The following VPS50 variants were observed in gnomAD, a reference collection of about 807,000 sequenced individuals.
VPS50 encodes syndetin.
Under a neutral mutation model 139.7 loss-of-function variants are expected in VPS50, and 70 were observed. The ratio of observed to expected loss-of-function variants is 0.50; its 90% CI spans 0.41 to 0.61. The LOEUF (loss-of-function observed/expected upper bound fraction) is 0.61. Among genes scored for constraint, VPS50 ranks in the 20% least tolerant of loss-of-function variants. The pLI is 0.00. For synonymous variants in VPS50, 365 were observed against 376.7 expected (o/e 0.97, Z 0.36); for missense variants, 921 against 1,133.7 (o/e 0.81, Z 2.69).
At chr7:93,326,832 T>G (rs1050037356) in intron 21 of VPS50, among the ~76,000 whole-genome samples, 1 of 152,154 alleles carries the variant, frequency 6.6e-6, no homozygotes, top group African/African-American at 2.4e-5. Context: ...ATTCATTATA[T>G]AAATATTTAT....
chr7:93,248,989 T>G (rs1188908297), intron 2 of VPS50, among the ~76,000 whole-genome samples: 1 of 152,154 alleles, frequency 6.6e-6, no homozygotes, highest in East Asian at 1.9e-4. Flanking sequence ...TTTAATTCTA[T>G]TTTGTATGCT....
At chr7:93,315,025 C>T (rs758778947) in intron 20 of VPS50, among the ~76,000 whole-genome samples, 4 of 152,134 alleles carry the variant, frequency 2.6e-5, no homozygotes, top group Non-Finnish European at 5.9e-5. Context: ...TCAGACAAAA[C>T]GACTCAGTTT....
At chr7:93,243,495 A>C (rs1160101012) in intron 2 of VPS50, among the ~76,000 whole-genome samples, 2 of 151,990 alleles carry the variant, frequency 1.3e-5, no homozygotes, top group Non-Finnish European at 2.9e-5. Flanking sequence ...TGTTCTAAAA[A>C]ATTGTTTGGA....
At chr7:93,307,189 G>A (rs1484946832) in intron 18 of VPS50, among the ~76,000 whole-genome samples, 9 of 151,776 alleles carry the variant, frequency 5.9e-5, no homozygotes, top group East Asian at 1.9e-4. Context: ...TGTGAGCCTC[G>A]GGTTACGACA....
At chr7:93,285,035 C>G (rs1221292144) in intron 12 of VPS50, among the ~76,000 whole-genome samples, 1 of 152,182 alleles carries the variant, frequency 6.6e-6, no homozygotes, top group African/African-American at 2.4e-5. Flanking sequence ...GGGCCTGGTG[C>G]TGTTTTGACC....
rs754759430 is a variant in VPS50 at position 93,353,779 on chromosome 7, G to A, written c.2585+18G>A. On this transcript the variant is annotated intron_variant, in intron 26 of 27. Transcript: ENST00000305866. ...GTAGAAGGGTAAGTTTTTCATGAAA[G>A]CATTATTTGTTTCTTTAATGACAAA... is the stretch of plus-strand genomic sequence containing the variant. 6.3e-7 allele frequency: 1 copy of A among 1,583,896 alleles called. No homozygotes were observed. The highest frequency in any genetic ancestry group is 8.6e-7 in the Non-Finnish European group (1 of 1,160,954).
chr7:93,294,453 C>T (rs1796743497), intron 13 of VPS50, 92 bp from the exon 14 acceptor site: 3 of 1,101,932 alleles, frequency 2.7e-6, no homozygotes, highest in Non-Finnish European at 3.8e-6. Flanking sequence ...CTTACATAGA[C>T]TTACAATGTG....
chr7:93,356,113 A>C, intron 27 of VPS50, 33 bp downstream of exon 27: 1 of 1,126,820 alleles, frequency 8.9e-7, no homozygotes, highest in Non-Finnish European at 1.2e-6. Flanking sequence ...TTAAGTTTTT[A>C]TTCCTTTTTC....
At chr7:93,342,780 TA>T (rs1798261215) in intron 23 of VPS50, among the ~76,000 whole-genome samples, 1 of 152,118 alleles carries the variant, frequency 6.6e-6, no homozygotes, top group Non-Finnish European at 1.5e-5. Flanking sequence ...TCTTGTCTGT[TA>T]GAAGGAAAAC....
chr7:93,249,306 G>C (rs536194751), intron 2 of VPS50, among the ~76,000 whole-genome samples: 15 of 149,774 alleles, frequency 1.0e-4, no homozygotes, highest in South Asian at 6.3e-4. Flanking sequence ...GAGAGACACA[G>C]AGAGAGAGAG....
At chr7:93,278,002 A>T (rs1796209647) in intron 12 of VPS50, among the ~76,000 whole-genome samples, 1 of 152,156 alleles carries the variant, frequency 6.6e-6, no homozygotes, top group African/African-American at 2.4e-5. Context: ...AGCAGAAAAG[A>T]ACTCTTAAAA....
intron 20 of VPS50, among the ~76,000 whole-genome samples, chr7:93,319,328 C>T (rs1797530980): frequency 6.6e-6 from 1 of 152,198 alleles, no homozygotes; most frequent in Admixed American, 6.5e-5. Context: ...ACTGTTCGTT[C>T]TCTTGTTTCT....
At chr7:93,353,366 A>C (rs1462083396) in intron 25 of VPS50, among the ~76,000 whole-genome samples, 1 of 152,206 alleles carries the variant, frequency 6.6e-6, no homozygotes, top group African/African-American at 2.4e-5. Context: ...GAGATATTGG[A>C]CATTGTTAAC....
chr7:93,273,567 A>C (rs1266638367), intron 11 of VPS50: 4 of 152,108 alleles, frequency 2.6e-5, no homozygotes. Flanking sequence ...ATTTTGAGGG[A>C]TATGTTTAAA....
chr7:93,256,036 C>G (rs1374361070), intron 4 of VPS50, among the ~76,000 whole-genome samples: 3 of 152,168 alleles, frequency 2.0e-5, no homozygotes, highest in Non-Finnish European at 2.9e-5. Flanking sequence ...ATGTTTTCAG[C>G]TTTTCAGAAG....
chr7:93,280,337 T>A (rs547625541), intron 12 of VPS50, among the ~76,000 whole-genome samples: 20 of 152,174 alleles, frequency 1.3e-4, no homozygotes, highest in East Asian at 9.6e-4. Flanking sequence ...GTTCTTTTTT[T>A]AAAAAAAGTA....
At chr7:93,261,404 G>T (rs1441754414) in intron 9 of VPS50, among the ~76,000 whole-genome samples, 2 of 152,102 alleles carry the variant, frequency 1.3e-5, no homozygotes, top group Non-Finnish European at 2.9e-5. Flanking sequence ...TAGGCCGGGC[G>T]CGGTGGCTCA....
chr7:93,296,914 C>T, intron 15 of VPS50, 78 bp downstream of exon 15: 1 of 1,475,014 alleles, frequency 6.8e-7, no homozygotes, highest in East Asian at 2.4e-5. Flanking sequence ...GAGTTATCAT[C>T]TATAACTTCT....
At position 93,341,414 on chromosome 7, in the gene VPS50, A is replaced by G. The variant is rs369857451; in HGVS notation, c.2059-13A>G. On this transcript the variant is annotated splice_polypyrimidine_tract_variant and intron_variant, in intron 22 of 27. Coordinates refer to ENST00000305866, the MANE Select transcript of VPS50 (RefSeq NM_017667.4). ...ATTTGTTATTCCAGGTTGTATATCTATTGTATTTTCAGGAAGTTTCAGCTG... is the reference window on the plus strand; with the variant it reads ...ATTTGTTATTCCAGGTTGTATATCTGTTGTATTTTCAGGAAGTTTCAGCTG... 3.1e-6 allele frequency: 5 copies of G among 1,588,490 alleles called. No individual in the cohort carries two copies. The highest frequency in any genetic ancestry group is 1.8e-5 in the Admixed American group (1 of 55,436).
Sources: allele counts gnomAD v4.1 joint callset (sites outside exome capture counted in the v4.1 genomes callset), GRCh38; gene constraint gnomAD v4.1.1; transcripts MANE v1.5; gene names NCBI Gene and HGNC (gene_info 2026-07-23, HGNC 2026-07-21).